Variants in EYS observed in about 807,000 individuals in gnomAD.
The protein encoded by EYS is EGF-like photoreceptor maintenance factor.
In EYS, 250 loss-of-function variants were observed where a neutral mutation model predicts 282.1. That is an observed-to-expected ratio of 0.89 (90% CI 0.80 to 0.98). EYS has a LOEUF of 0.98. Ranked by LOEUF, EYS falls within the 50% of genes least tolerant of loss-of-function variation. The pLI, the probability that EYS is intolerant of heterozygous loss-of-function variation, is 0.00. For missense variants in EYS, 4,016 were observed against 3,709.0 expected, an observed-to-expected ratio of 1.08 and a Z score of -2.15; for synonymous variants, 1,355 against 1,282.9, an observed-to-expected ratio of 1.06 and a Z score of -1.20.
intron 33 of EYS, among the ~76,000 whole-genome samples, chr6:64,026,780 T>G (rs1417685466): frequency 6.6e-6 from 1 of 152,108 alleles, no homozygotes; most frequent in Non-Finnish European, 1.5e-5. Flanking sequence ...ATCTCCAAAG[T>G]ACCACAAAAC....
intron 35 of EYS, among the ~76,000 whole-genome samples, chr6:63,922,054 G>A (rs967170194): frequency 4.6e-5 from 7 of 152,330 alleles, no homozygotes; most frequent in African/African-American, 1.7e-4. Flanking sequence ...AGGAAAGGCT[G>A]TGTGGAGCAA....
intron 24 of EYS, among the ~76,000 whole-genome samples, chr6:64,611,664 G>A (rs1360876976): frequency 2.0e-5 from 3 of 152,060 alleles, no homozygotes; most frequent in East Asian, 1.9e-4. Flanking sequence ...CCGAATAAGA[G>A]CATTATTGAT....
chr6:63,774,307 T>A (rs560886149), intron 40 of EYS, among the ~76,000 whole-genome samples: 1 of 152,256 alleles, frequency 6.6e-6, no homozygotes, highest in South Asian at 2.1e-4. Flanking sequence ...TAGCTGGGAT[T>A]ACAGGCACCC....
At chr6:64,120,312 C>T (rs1293108485) in intron 31 of EYS, among the ~76,000 whole-genome samples, 1 of 142,008 alleles carries the variant, frequency 7.0e-6, no homozygotes, top group South Asian at 2.2e-4. Flanking sequence ...GAGGAGATCG[C>T]ACCACTGCAC....
chr6:64,154,645 C>A (rs1463353280), intron 31 of EYS, among the ~76,000 whole-genome samples: 1 of 151,842 alleles, frequency 6.6e-6, no homozygotes, highest in Admixed American at 6.6e-5. Flanking sequence ...TGCTCTTTAT[C>A]AGAAAATAGA....
intron 8 of EYS, among the ~76,000 whole-genome samples, chr6:65,357,931 G>A (rs955434194): frequency 1.3e-5 from 2 of 151,946 alleles, no homozygotes; most frequent in Non-Finnish European, 2.9e-5. Context: ...TGTATGACCA[G>A]ATAGGTGTCT....
At chr6:65,630,143 A>G (rs1333799060) in intron 2 of EYS, among the ~76,000 whole-genome samples, 1 of 152,220 alleles carries the variant, frequency 6.6e-6, no homozygotes, top group African/African-American at 2.4e-5. Context: ...GCTGTTGACC[A>G]ATGACCATTA....
At chr6:63,954,803 G>A (rs562775207) in intron 35 of EYS, among the ~76,000 whole-genome samples, 1 of 151,680 alleles carries the variant, frequency 6.6e-6, no homozygotes, top group Non-Finnish European at 1.5e-5. Context: ...CACCTCACAG[G>A]CCTATTCTAT....
At chr6:63,990,105 AAAG>A (rs1211384950) in intron 34 of EYS, among the ~76,000 whole-genome samples, 1 of 151,696 alleles carries the variant, frequency 6.6e-6, no homozygotes, top group Non-Finnish European at 1.5e-5. Flanking sequence ...TGTAAATAAA[AAAG>A]AAGTATGTGG....
chr6:64,365,098 A>G (rs1772144254), intron 29 of EYS, among the ~76,000 whole-genome samples: 1 of 151,990 alleles, frequency 6.6e-6, no homozygotes, highest in Non-Finnish European at 1.5e-5. Flanking sequence ...AAAATGATCA[A>G]AGAAAGAAAT....
intron 29 of EYS, among the ~76,000 whole-genome samples, chr6:64,310,055 A>G (rs1034502114): frequency 1.7e-5 from 2 of 119,546 alleles, no homozygotes; most frequent in Non-Finnish European, 3.5e-5. Flanking sequence ...GCTATTTATT[A>G]AAAGTAAAAA....
intron 12 of EYS, among the ~76,000 whole-genome samples, chr6:65,280,394 G>T (rs34401222): frequency 0.012 from 1,827 of 152,212 alleles, 20 homozygotes; most frequent in Non-Finnish European, 0.021. Flanking sequence ...TAGTTTTTAT[G>T]TAGTAAGTAT....
At chr6:65,702,464 A>G (rs1306145006) in intron 1 of EYS, among the ~76,000 whole-genome samples, 15 of 152,106 alleles carry the variant, frequency 9.9e-5, no homozygotes, top group Admixed American at 9.8e-4. Flanking sequence ...GACCCAGGTG[A>G]GTAAATTACT....
At chr6:63,777,426 G>C (rs148380887) in intron 40 of EYS, among the ~76,000 whole-genome samples, 1 of 152,290 alleles carries the variant, frequency 6.6e-6, no homozygotes, top group East Asian at 1.9e-4. Context: ...TGAGTAGCTA[G>C]AGTGTAAGAA....
intron 12 of EYS, among the ~76,000 whole-genome samples, chr6:65,206,058 G>C (rs1171092799): frequency 1.3e-5 from 2 of 151,766 alleles, no homozygotes; most frequent in Admixed American, 1.3e-4. Flanking sequence ...AAATGATTCT[G>C]AGACTTAAAA....
At chr6:64,870,432 A>AAAG (rs55969546) in intron 19 of EYS, among the ~76,000 whole-genome samples, 21,853 of 147,924 alleles carry the variant, frequency 0.15, 2,007 homozygotes, top group East Asian at 0.48. Flanking sequence ...CCCTCCAAAA[A>AAAG]AAAAAAAACA....
At chr6:64,658,953 C>A (rs1239439384) in intron 22 of EYS, among the ~76,000 whole-genome samples, 1 of 152,224 alleles carries the variant, frequency 6.6e-6, no homozygotes, top group African/African-American at 2.4e-5. Flanking sequence ...CAGCACCACA[C>A]TGCACTTATT....
intron 16 of EYS, among the ~76,000 whole-genome samples, chr6:64,910,704 A>G (rs1238595623): frequency 2.0e-5 from 3 of 152,056 alleles, no homozygotes; most frequent in African/African-American, 7.2e-5. Context: ...TCAATGTTCA[A>G]TGGGACAGCA....
chr6:63,955,169 A>G lies in EYS; in HGVS notation c.7055+29214T>C, dbSNP rs916850534. Among the ~76,000 whole-genome samples, 6 of 151,526 alleles carry G rather than the reference A, an allele frequency of 4.0e-5. No individual in the cohort carries two copies. In the South Asian group the frequency reaches 8.4e-4, roughly 21 times the overall value. On this transcript the variant is annotated intron_variant, in intron 35 of 42. Coordinates refer to ENST00000503581, the MANE Select transcript of EYS (RefSeq NM_001142800.2). The stretch of plus-strand genomic sequence containing the variant: ...CATTTCTTCCCTTCTGTCAAACATA[A>G]TTCCTTAGTTTGGCCTTCCCACCTC...
Sources: gnomAD v4.1 joint callset for allele counts (sites outside exome capture counted in the v4.1 genomes callset) on GRCh38, gnomAD v4.1.1 for gene constraint, MANE v1.5 for transcripts, NCBI Gene and HGNC (gene_info 2026-07-23, HGNC 2026-07-21) for gene names.